Variants in WARS2 observed in about 807,000 individuals in gnomAD.
WARS2 encodes tryptophan--tRNA ligase, mitochondrial.
In WARS2, 28 loss-of-function variants were observed where a neutral mutation model predicts 36.5. The ratio of observed to expected loss-of-function variants is 0.77; its 90% CI spans 0.57 to 1.05. The LOEUF is 1.05. WARS2 is among the 50% of genes least tolerant of loss of function. WARS2 has a pLI of 0.00. For missense variants in WARS2, 435 were observed against 456.8 expected (o/e 0.95, Z 0.44); for synonymous variants, 174 against 178.4 (o/e 0.98, Z 0.20).
chr1:119,139,781 C>G (rs1319828046), intron 1 of WARS2: 2 of 152,224 alleles, frequency 1.3e-5, no homozygotes, highest in African/African-American at 4.8e-5. Context: ...AAAGTGCTTG[C>G]CACTGAGACT....
In WARS2 at chr1:119,134,319, C is replaced by CAAAAAAAAAAAAAAAAA. The variant is rs761321480; in HGVS notation, c.90+6219_90+6235dup. On this transcript the variant is annotated intron_variant, in intron 1 of 5. Transcript: ENST00000235521. ...CTCTGCTTTTTAGGAGGCAAAGGGG[C>CAAAAAAAAAAAAAAAAA]AAAAAAAAAAAAAAAAAAAAAACAA... 7.6e-5 allele frequency among the ~76,000 whole-genome samples: 5 copies of CAAAAAAAAAAAAAAAAA among 65,876 alleles called. 1 individual carries two copies. The highest frequency in any genetic ancestry group is 5.3e-4 in the East Asian group (1 of 1,904). The allele number at this position is 65,876 out of a possible 152,430, so 43.2% of individuals were successfully genotyped here. A position where few individuals can be genotyped will look rare whatever the true frequency, so the allele number is the denominator to read the frequency against.
intron 1 of WARS2, among the ~76,000 whole-genome samples, chr1:119,122,359 G>C (rs978461302): frequency 6.6e-6 from 1 of 152,060 alleles, no homozygotes; most frequent in Non-Finnish European, 1.5e-5. Context: ...CCTTACTCCT[G>C]CAAGAATGGC....
chr1:119,086,300 T>C (rs1023185029), intron 1 of WARS2, among the ~76,000 whole-genome samples: 2 of 152,252 alleles, frequency 1.3e-5, no homozygotes, highest in African/African-American at 4.8e-5. Context: ...ACCTGCCTGA[T>C]TCCCCTCTTC....
At chr1:119,056,006 C>T (rs1048441809) in intron 2 of WARS2, among the ~76,000 whole-genome samples, 6 of 144,158 alleles carry the variant, frequency 4.2e-5, no homozygotes, top group African/African-American at 1.6e-4. Flanking sequence ...AATTTCATAC[C>T]ATAACTTTTT....
At chr1:119,119,083 A>G (rs1655170522) in intron 1 of WARS2, among the ~76,000 whole-genome samples, 2 of 152,146 alleles carry the variant, frequency 1.3e-5, no homozygotes, top group Non-Finnish European at 2.9e-5. Context: ...TCTCAATACT[A>G]ATGTTGAATG....
chr1:119,117,274 C>A (rs1195310296), intron 1 of WARS2, among the ~76,000 whole-genome samples: 1 of 152,126 alleles, frequency 6.6e-6, no homozygotes, highest in East Asian at 1.9e-4. Flanking sequence ...CTGCAGCAAG[C>A]CCCACCTAAG....
intron 2 of WARS2, among the ~76,000 whole-genome samples, chr1:119,046,508 C>T (rs891301054): frequency 5.4e-5 from 7 of 130,146 alleles, no homozygotes; most frequent in African/African-American, 1.7e-4. Flanking sequence ...TCACCACATC[C>T]GGCTAATTTT....
rs192272994 is a variant in WARS2, at chr1:119,108,002, C to G, written c.91-31395G>C. Among the ~76,000 whole-genome samples the G allele has an allele frequency of 2.8e-4, 43 of 152,010 alleles. 2 individuals carry two copies. In the South Asian group the frequency reaches 3.5e-3, roughly 12 times the overall value. On this transcript the variant is annotated intron_variant, in intron 1 of 5. Transcript: ENST00000235521. Reference sequence around the variant, plus strand: ...ATTCATTGGTTTTCAAATATTAAACCAGCCTCACATACCTGATATAAATCC... The same window carrying G: ...ATTCATTGGTTTTCAAATATTAAACGAGCCTCACATACCTGATATAAATCC...
intron 2 of WARS2, chr1:119,064,355 G>C (rs1168631927): frequency 1.3e-5 from 2 of 152,184 alleles, no homozygotes; most frequent in East Asian, 1.9e-4. Flanking sequence ...TACTTGCCTT[G>C]TCTCAGACGA....
intron 1 of WARS2, among the ~76,000 whole-genome samples, chr1:119,135,579 T>C (rs774209280): frequency 2.6e-5 from 4 of 152,182 alleles, no homozygotes; most frequent in Non-Finnish European, 4.4e-5. Flanking sequence ...ATGAATAATA[T>C]TTACAAATTG....
At chr1:119,127,235 C>A (rs1655728431) in intron 1 of WARS2, 1 of 761,656 alleles carries the variant, frequency 1.3e-6, no homozygotes, top group Non-Finnish European at 2.3e-6. Context: ...CGACCACTTT[C>A]TTCTTGGCTC....
chr1:119,085,063 G>T, intron 1 of WARS2: 1 of 725,424 alleles, frequency 1.4e-6, no homozygotes, highest in Non-Finnish European at 2.5e-6. Flanking sequence ...GTCCTTTTAT[G>T]CCTATGGGAT....
At chr1:119,100,135 T>G (rs997682908) in intron 1 of WARS2, among the ~76,000 whole-genome samples, 7 of 151,924 alleles carry the variant, frequency 4.6e-5, no homozygotes, top group African/African-American at 1.5e-4. Context: ...CATTAAAAAG[T>G]AGGGAAAGGA....
intron 1 of WARS2, among the ~76,000 whole-genome samples, chr1:119,134,678 T>A (rs774661462): frequency 2.0e-5 from 3 of 152,188 alleles, no homozygotes; most frequent in Non-Finnish European, 4.4e-5. Flanking sequence ...TTAAATTAAG[T>A]CAAGCTGGAG....
intron 1 of WARS2, chr1:119,085,576 C>T: frequency 1.9e-6 from 3 of 1,588,638 alleles, no homozygotes; most frequent in Non-Finnish European, 2.6e-6. Context: ...TCTTTGGTCA[C>T]ATCATCCATT....
chr1:119,066,273 C>T lies in WARS2; in HGVS notation c.348+10077G>A, dbSNP rs370999007. The stretch of plus-strand genomic sequence containing the variant: ...TGGGCGGATCACAAGGTCAGGAGAT[C>T]GAGAACCATCCTGGCTAATACGGTG... On this transcript the variant is annotated intron_variant, in intron 2 of 5. Coordinates refer to ENST00000235521, the MANE Select transcript of WARS2 (RefSeq NM_015836.4). 3.6e-3 allele frequency among the ~76,000 whole-genome samples: 541 copies of T among 152,006 alleles called. 5 individuals are homozygous for T. The highest frequency in any genetic ancestry group is 0.012 in the African/African-American group (495 of 41,466).
chr1:119,046,365 T>C (rs990397988), intron 2 of WARS2, among the ~76,000 whole-genome samples: 1 of 149,736 alleles, frequency 6.7e-6, no homozygotes, highest in African/African-American at 2.5e-5. Flanking sequence ...TTTTTTTTTT[T>C]TGAGACAGAG....
chr1:119,085,095 C>G (rs1423785429), intron 1 of WARS2: 1 of 772,254 alleles, frequency 1.3e-6, no homozygotes, highest in African/African-American at 1.7e-5. Context: ...CCTACCTCTA[C>G]TTCTATGACT....
intron 2 of WARS2, among the ~76,000 whole-genome samples, chr1:119,053,084 C>T (rs945704136): frequency 1.3e-5 from 2 of 152,204 alleles, no homozygotes; most frequent in Non-Finnish European, 2.9e-5. Flanking sequence ...TGGGTGAGGA[C>T]ATATAATCCT....
Sources: gnomAD v4.1 joint callset for allele counts (sites outside exome capture counted in the v4.1 genomes callset) on GRCh38, gnomAD v4.1.1 for gene constraint, MANE v1.5 for transcripts, NCBI Gene and HGNC (gene_info 2026-07-23, HGNC 2026-07-21) for gene names.